SLC17A1: variants seen among roughly 807,000 people sequenced by gnomAD.
SLC17A1 encodes solute carrier family 17 member 1, also known as sodium-dependent phosphate transport protein 1.
Under a neutral mutation model 53.5 loss-of-function variants are expected in SLC17A1, and 51 were observed. That is an observed-to-expected ratio of 0.95 (90% CI 0.76 to 1.20). The LOEUF is 1.20. Among genes scored for constraint, SLC17A1 ranks in the 50% most tolerant of loss-of-function variants. The probability of loss-of-function intolerance (pLI) is 0.00; values close to 1 mark genes in which losing one functional copy is unlikely to be tolerated. For missense variants in SLC17A1, 538 were observed against 568.2 expected, an observed-to-expected ratio of 0.95 and a Z score of 0.54; for synonymous variants, 179 against 198.8, an observed-to-expected ratio of 0.90 and a Z score of 0.84.
At chr6:25,738,393 G>A in the SLC17A1 span, among the ~76,000 whole-genome samples, 32 of 152,180 alleles carry the variant, frequency 2.1e-4, 1 homozygote, top group African/African-American at 7.0e-4. Flanking sequence ...CTTACACCTT[G>A]CCTAAAATTA....
chr6:25,807,585 T>G (rs984353311), intron 10 of SLC17A1, among the ~76,000 whole-genome samples: 6 of 152,000 alleles, frequency 3.9e-5, no homozygotes, highest in African/African-American at 1.2e-4. Flanking sequence ...TTGCACCCAA[T>G]GTGTAGTATT....
the SLC17A1 span, chr6:25,726,897 T>C: frequency 3.7e-6 from 6 of 1,606,334 alleles, no homozygotes; most frequent in African/African-American, 1.3e-5. Context: ...GCTGCAGAAG[T>C]GTGTGGTAGC....
intron 11 of SLC17A1, among the ~76,000 whole-genome samples, chr6:25,799,152 G>C (rs1283375648): frequency 1.3e-5 from 2 of 151,764 alleles, no homozygotes; most frequent in Non-Finnish European, 2.9e-5. Context: ...AAGTTTACTA[G>C]TTTCTTATAG....
the SLC17A1 span, chr6:25,726,495 T>C: frequency 6.2e-7 from 1 of 1,611,936 alleles, no homozygotes; most frequent in Non-Finnish European, 8.5e-7. Flanking sequence ...ACTTGGCGCG[T>C]GCTTTTCCTC....
the SLC17A1 span, chr6:25,770,423 T>C: frequency 2.5e-6 from 4 of 1,613,996 alleles, no homozygotes; most frequent in Admixed American, 1.7e-5. Flanking sequence ...TTGGGTCAAA[T>C]GGGCTCCCCC....
intron 10 of SLC17A1, among the ~76,000 whole-genome samples, chr6:25,810,863 C>A (rs1274389539): frequency 6.6e-6 from 1 of 152,094 alleles, no homozygotes; most frequent in African/African-American, 2.4e-5. Context: ...AAGTGTCCAT[C>A]AGCAGATGAA....
the SLC17A1 span, among the ~76,000 whole-genome samples, chr6:25,727,851 C>A: frequency 8.6e-5 from 13 of 151,790 alleles, no homozygotes; most frequent in Non-Finnish European, 1.2e-4. Context: ...AACTCCGTCT[C>A]TACTAAAAAT....
At chr6:25,738,557 G>T in the SLC17A1 span, among the ~76,000 whole-genome samples, 4 of 151,594 alleles carry the variant, frequency 2.6e-5, no homozygotes, top group Non-Finnish European at 5.9e-5. Context: ...AAAAGTAAAA[G>T]CTTTTGTTCT....
At chr6:25,809,711 C>T (rs1390691668) in intron 10 of SLC17A1, among the ~76,000 whole-genome samples, 2 of 152,020 alleles carry the variant, frequency 1.3e-5, no homozygotes, top group Admixed American at 1.3e-4. Flanking sequence ...TCTAAAGATT[C>T]AATGCAATCC....
intron 12 of SLC17A1, among the ~76,000 whole-genome samples, chr6:25,784,105 A>C (rs1471979045): frequency 6.6e-6 from 1 of 152,154 alleles, no homozygotes; most frequent in Non-Finnish European, 1.5e-5. Flanking sequence ...AAGTTTTATT[A>C]GTTATTAAAA....
At chr6:25,794,062 T>C (rs747943749) in intron 12 of SLC17A1, among the ~76,000 whole-genome samples, 1 of 152,214 alleles carries the variant, frequency 6.6e-6, no homozygotes, top group Non-Finnish European at 1.5e-5. Context: ...TTTATGTGCC[T>C]GAACCAACAA....
chr6:25,773,902 C>A, the SLC17A1 span, among the ~76,000 whole-genome samples: 2 of 152,210 alleles, frequency 1.3e-5, 1 homozygote, highest in East Asian at 3.9e-4. Context: ...GATTTTCATA[C>A]ACTATCATAT....
chr6:25,742,287 A>G, the SLC17A1 span, among the ~76,000 whole-genome samples: 1 of 152,168 alleles, frequency 6.6e-6, no homozygotes, highest in Non-Finnish European at 1.5e-5. Context: ...ACATTGACTG[A>G]TCAGAACTAA....
At chr6:25,812,780 G>T in intron 8 of SLC17A1, 51 bp downstream of exon 8, 1 of 1,406,082 alleles carries the variant, frequency 7.1e-7, no homozygotes, top group Non-Finnish European at 9.8e-7. Flanking sequence ...ACAGACAAAT[G>T]TACACAGAGT....
chr6:25,811,830 G>A (rs1764169782), intron 8 of SLC17A1, 60 bp from the exon 9 acceptor site: 3 of 1,558,788 alleles, frequency 1.9e-6, no homozygotes, highest in Admixed American at 3.4e-5. Context: ...CTGACACACA[G>A]AGTAATCCCT....
chr6:25,762,541 T>C, the SLC17A1 span, among the ~76,000 whole-genome samples: 1 of 152,218 alleles, frequency 6.6e-6, no homozygotes, highest in African/African-American at 2.4e-5. Context: ...TAGAACATCT[T>C]ATTTTACCCT....
chr6:25,735,290 T>C, the SLC17A1 span, among the ~76,000 whole-genome samples: 1 of 152,164 alleles, frequency 6.6e-6, no homozygotes, highest in South Asian at 2.1e-4. Flanking sequence ...TGTAGGGGGA[T>C]TAAAGACAAA....
chr6:25,802,347 A>C (rs1341909054), intron 10 of SLC17A1, among the ~76,000 whole-genome samples: 1 of 152,210 alleles, frequency 6.6e-6, no homozygotes, highest in Non-Finnish European at 1.5e-5. Flanking sequence ...ATTTACATAT[A>C]TTCTATATCA....
chr6:25,806,699 G>C (rs1277258633), intron 10 of SLC17A1, among the ~76,000 whole-genome samples: 1 of 152,054 alleles, frequency 6.6e-6, no homozygotes, highest in Admixed American at 6.6e-5. Context: ...AAACTAAAAA[G>C]ATCCTGTACA....
Sources: allele counts gnomAD v4.1 joint callset (sites outside exome capture counted in the v4.1 genomes callset), GRCh38; gene constraint gnomAD v4.1.1; transcripts MANE v1.5; gene names NCBI Gene and HGNC (gene_info 2026-07-23, HGNC 2026-07-21).